Variants in ZSWIM6 observed in about 807,000 individuals in gnomAD.
ZSWIM6 encodes zinc finger SWIM domain-containing protein 6.
A neutral mutation model predicts 113.2 loss-of-function variants in ZSWIM6; 9 were observed. The ratio of observed to expected loss-of-function variants is 0.08; its 90% CI spans 0.05 to 0.14. The LOEUF (loss-of-function observed/expected upper bound fraction) is 0.14, where lower values mean the gene tolerates loss of function less well. Ranked by LOEUF, ZSWIM6 falls within the 10% of genes least tolerant of loss-of-function variation. The pLI is 1.00. For missense variants in ZSWIM6, 1,162 were observed against 1,552.2 expected, an observed-to-expected ratio of 0.75 and a Z score of 4.22; for synonymous variants, 611 against 606.5, an observed-to-expected ratio of 1.01 and a Z score of -0.11.
chr5:61,421,244 TG>T (rs1347921109), intron 1 of ZSWIM6, among the ~76,000 whole-genome samples: 2 of 152,126 alleles, frequency 1.3e-5, no homozygotes, highest in Non-Finnish European at 2.9e-5. Flanking sequence ...TTTTTGTTTT[TG>T]TACCCATTAA....
chr5:61,450,638 T>C (rs1747066689), intron 1 of ZSWIM6, among the ~76,000 whole-genome samples: 1 of 152,172 alleles, frequency 6.6e-6, no homozygotes, highest in South Asian at 2.1e-4. Context: ...TATACTTCAC[T>C]GTACTATGAA....
chr5:61,363,200 C>G lies in ZSWIM6; in HGVS notation c.676+30252C>G, dbSNP rs1473479876. Among the ~76,000 whole-genome samples the G allele has an allele frequency of 2.0e-5, 3 of 152,128 alleles. No homozygotes were observed. In the East Asian group the frequency reaches 5.8e-4, roughly 29 times the overall value. ...GTGTTTGATCTGAACCCTCTGAGGC[C>G]AATCAAATGGAAAAGGTTTAGTACA... On this transcript the variant is annotated intron_variant, in intron 1 of 13. Coordinates refer to ENST00000252744, the MANE Select transcript of ZSWIM6 (RefSeq NM_020928.2).
At chr5:61,383,763 T>C (rs1360012634) in intron 1 of ZSWIM6, among the ~76,000 whole-genome samples, 1 of 151,518 alleles carries the variant, frequency 6.6e-6, no homozygotes, top group South Asian at 2.1e-4. Flanking sequence ...GTCAGGCTGG[T>C]CTCGAACTCC....
chr5:61,431,324 G>A (rs1211990232), intron 1 of ZSWIM6, among the ~76,000 whole-genome samples: 2 of 124,266 alleles, frequency 1.6e-5, no homozygotes, highest in Non-Finnish European at 3.1e-5. Flanking sequence ...AGTGAGCCGA[G>A]ATCGTGCCAC....
chr5:61,361,423 G>A (rs1051154623), intron 1 of ZSWIM6, among the ~76,000 whole-genome samples: 2 of 152,016 alleles, frequency 1.3e-5, no homozygotes, highest in Non-Finnish European at 2.9e-5. Flanking sequence ...TTTAAGGCCC[G>A]TTTTTCAGTA....
intron 1 of ZSWIM6, among the ~76,000 whole-genome samples, chr5:61,438,951 T>C (rs1746768756): frequency 6.6e-6 from 1 of 152,196 alleles, no homozygotes; most frequent in Admixed American, 6.5e-5. Flanking sequence ...AATTAAGGAA[T>C]TATTAATACA....
At chr5:61,539,072 T>C in intron 11 of ZSWIM6, 101 bp downstream of exon 11, 1 of 1,299,062 alleles carries the variant, frequency 7.7e-7, no homozygotes, top group Non-Finnish European at 1.0e-6. Context: ...GGTGTTAATG[T>C]CAGATAGGTT....
chr5:61,386,398 A>C (rs566461232), intron 1 of ZSWIM6, among the ~76,000 whole-genome samples: 1 of 152,338 alleles, frequency 6.6e-6, no homozygotes, highest in East Asian at 1.9e-4. Context: ...GGTGATTGCA[A>C]AGCTTTTTGG....
At chr5:61,426,442 A>G (rs986841659) in intron 1 of ZSWIM6, among the ~76,000 whole-genome samples, 4 of 152,200 alleles carry the variant, frequency 2.6e-5, no homozygotes, top group African/African-American at 4.8e-5. Flanking sequence ...GCACTTATAT[A>G]TGCAAGCAAT....
intron 2 of ZSWIM6, among the ~76,000 whole-genome samples, chr5:61,485,989 T>C (rs1158720802): frequency 2.0e-5 from 3 of 152,188 alleles, no homozygotes; most frequent in African/African-American, 7.2e-5. Context: ...TTTGTATAAA[T>C]TTTGAGGTAC....
At chr5:61,530,437 C>T (rs529943798) in intron 8 of ZSWIM6, among the ~76,000 whole-genome samples, 2 of 152,298 alleles carry the variant, frequency 1.3e-5, no homozygotes, top group African/African-American at 2.4e-5. Context: ...TATTTATTCT[C>T]TTCTAACCAG....
chr5:61,403,807 A>C (rs1745987334), intron 1 of ZSWIM6, among the ~76,000 whole-genome samples: 1 of 152,180 alleles, frequency 6.6e-6, no homozygotes, highest in Admixed American at 6.5e-5. Context: ...TGCAGTTCTT[A>C]GTTTTCAATC....
intron 1 of ZSWIM6, among the ~76,000 whole-genome samples, chr5:61,371,140 TA>T (rs1315798739): frequency 9.2e-5 from 14 of 152,326 alleles, no homozygotes; most frequent in Middle Eastern, 3.4e-3. Flanking sequence ...TTCTTTCTAT[TA>T]TTTTTTTTCT....
At chr5:61,485,223 C>G (rs1374740825) in intron 2 of ZSWIM6, among the ~76,000 whole-genome samples, 2 of 152,114 alleles carry the variant, frequency 1.3e-5, no homozygotes, top group East Asian at 3.9e-4. Flanking sequence ...CTTGGAATGA[C>G]TTTCTCCTTC....
chr5:61,525,136 T>A (rs1749242482), intron 5 of ZSWIM6, among the ~76,000 whole-genome samples: 1 of 152,186 alleles, frequency 6.6e-6, no homozygotes, highest in East Asian at 1.9e-4. Flanking sequence ...GGAGGCAGCC[T>A]GTAGGGGCAA....
At chr5:61,416,741 A>G (rs1746263609) in intron 1 of ZSWIM6, among the ~76,000 whole-genome samples, 1 of 152,252 alleles carries the variant, frequency 6.6e-6, no homozygotes, top group Admixed American at 6.5e-5. Context: ...TGAAACACAA[A>G]TAAGTTGCTA....
chr5:61,352,743 A>G (rs1744817885), intron 1 of ZSWIM6, among the ~76,000 whole-genome samples: 1 of 152,238 alleles, frequency 6.6e-6, no homozygotes, highest in African/African-American at 2.4e-5. Context: ...TAGAATGTGG[A>G]TTTATATGAC....
intron 1 of ZSWIM6, among the ~76,000 whole-genome samples, chr5:61,428,227 T>C (rs994322960): frequency 3.9e-5 from 6 of 152,210 alleles, no homozygotes; most frequent in African/African-American, 1.4e-4. Context: ...AGGACTGTCA[T>C]ATGTTTTTTT....
chr5:61,543,915 T>C lies in ZSWIM6; in HGVS notation c.3246T>C (p.Leu1082=), dbSNP rs1021003043. The stretch of plus-strand genomic sequence containing the variant: ...GGGCCTGTGCGCTTAGCCACTCCCT[T>C]GGTAAAAATGAGCTTGCAGCTATAA... The part of the protein sequence containing the change: ...VLWACALSHS[L]GKNELAAIIP... Residue 1082 remains leucine (L), a synonymous_variant, in exon 14 of 14, where the codon CTT becomes CTC. Coordinates refer to ENST00000252744, the MANE Select transcript of ZSWIM6 (RefSeq NM_020928.2). This position sits in a 1 kb window ranked among gnomAD's most constrained non-coding sequence, Gnocchi z 4.3. 5.2e-6 allele frequency: 8 copies of C among 1,551,716 alleles called. No homozygotes were observed. In the Admixed American group the frequency reaches 7.8e-5, roughly 15 times the overall value.
Sources: gnomAD v4.1 joint callset for allele counts (sites outside exome capture counted in the v4.1 genomes callset) on GRCh38, gnomAD v4.1.1 for gene constraint, Gnocchi (gnomAD v3.1) non-coding constraint, MANE v1.5 for transcripts, NCBI Gene and HGNC (gene_info 2026-07-23, HGNC 2026-07-21) for gene names.